SPATA18: variants seen among roughly 807,000 people sequenced by gnomAD.
SPATA18 encodes the protein spermatogenesis associated 18.
Under a neutral mutation model 68.1 loss-of-function variants are expected in SPATA18, and 54 were observed. That is an observed-to-expected ratio of 0.79 (90% CI 0.64 to 0.99). SPATA18 has a LOEUF of 0.99. Ranked by LOEUF, SPATA18 falls within the 50% of genes least tolerant of loss-of-function variation. The probability of loss-of-function intolerance (pLI) is 0.00; values close to 1 mark genes in which losing one functional copy is unlikely to be tolerated. For missense variants in SPATA18, 724 were observed against 681.1 expected (o/e 1.06, Z -0.70); for synonymous variants, 242 against 244.8 (o/e 0.99, Z 0.11).
chr4:52,051,415 T>A lies in SPATA18; in HGVS notation c.-290T>A, dbSNP rs1298678421. On this transcript the variant is annotated 5_prime_UTR_variant, in exon 1 of 13. Coordinates refer to ENST00000295213, the MANE Select transcript of SPATA18 (RefSeq NM_145263.4). ...CAACCCGTCCACGTCAAGGTTTGTT[T>A]AATAATCGCCAGGGTATCTATGGCC... 3.7e-5 allele frequency: 15 copies of A among 408,470 alleles called. No individual in the cohort carries two copies. The highest frequency in any genetic ancestry group is 6.6e-5 in the Non-Finnish European group (15 of 227,204). The allele number at this position is 408,470 out of a possible 1,614,324, so 25.3% of individuals were successfully genotyped here. A position where few individuals can be genotyped will look rare whatever the true frequency, so the allele number is the denominator to read the frequency against.
At chr4:52,088,933 G>T (rs909018661) in intron 11 of SPATA18, among the ~76,000 whole-genome samples, 2 of 152,120 alleles carry the variant, frequency 1.3e-5, no homozygotes, top group Non-Finnish European at 2.9e-5. Flanking sequence ...TGGTTGGTAG[G>T]CTATTAATTA....
chr4:52,052,638 T>C (rs917337699), intron 1 of SPATA18, among the ~76,000 whole-genome samples: 2 of 152,264 alleles, frequency 1.3e-5, no homozygotes, highest in Non-Finnish European at 2.9e-5. Context: ...CATTTGGCTC[T>C]GCATAGAACT....
At chr4:52,069,674 C>T (rs976708943) in intron 4 of SPATA18, 147 bp from the exon 5 acceptor site, 2 of 401,158 alleles carry the variant, frequency 5.0e-6, no homozygotes, top group South Asian at 7.0e-5. Flanking sequence ...TGCAATATTA[C>T]CTGATTGAAT....
intron 4 of SPATA18, among the ~76,000 whole-genome samples, chr4:52,068,441 G>A (rs1739507784): frequency 6.6e-6 from 1 of 152,332 alleles, no homozygotes; most frequent in African/African-American, 2.4e-5. Context: ...ATGCAATGAG[G>A]TAAATGGGAA....
intron 10 of SPATA18, among the ~76,000 whole-genome samples, chr4:52,083,695 G>T (rs1056206747): frequency 6.6e-6 from 1 of 151,698 alleles, no homozygotes; most frequent in Non-Finnish European, 1.5e-5. Context: ...TGTGAGCCAT[G>T]ATTGTGCCAC....
rs777701719 is a variant in SPATA18, at chr4:52,082,465, CTG to C, written c.1438_1439del (p.Val480HisfsTer35). The C allele has an allele frequency of 1.9e-6, 3 of 1,614,152 alleles. No individual in the cohort carries two copies. The Admixed American group carries it at 5.0e-5, about 27-fold the overall frequency. On this transcript the variant is annotated frameshift_variant, in exon 10 of 13. Transcript: ENST00000295213. LOFTEE classifies it high-confidence loss of function. ...HVWPALMEND[C>X]VIMKGEAVTR... ...TGTGGCCTGCTCTCATGGAGAATGA[CTG>C]TGTCATTATGAAGGGAGAAGCTGTC...
intron 4 of SPATA18, among the ~76,000 whole-genome samples, chr4:52,064,050 C>T (rs1739114069): frequency 6.6e-6 from 1 of 152,092 alleles, no homozygotes; most frequent in Non-Finnish European, 1.5e-5. Context: ...TTAATGCATG[C>T]TTTAAAAAAA....
At chr4:52,063,450 T>A (rs538409626) in intron 4 of SPATA18, among the ~76,000 whole-genome samples, 8 of 152,320 alleles carry the variant, frequency 5.3e-5, no homozygotes, top group Admixed American at 1.3e-4. Context: ...TCATAATCAA[T>A]GAGCAGTTAT....
intron 11 of SPATA18, 104 bp from the exon 12 acceptor site, chr4:52,094,423 A>T: frequency 9.7e-7 from 1 of 1,035,256 alleles, no homozygotes; most frequent in Non-Finnish European, 1.5e-6. Context: ...AGTGCCTCAG[A>T]GAAAGCTATT....
At chr4:52,092,463 A>G (rs970926424) in intron 11 of SPATA18, among the ~76,000 whole-genome samples, 3 of 152,158 alleles carry the variant, frequency 2.0e-5, no homozygotes, top group African/African-American at 7.2e-5. Flanking sequence ...GTAGGGGGGA[A>G]CATTCTCTGG....
intron 4 of SPATA18, among the ~76,000 whole-genome samples, chr4:52,064,963 A>G (rs1739196748): frequency 6.6e-6 from 1 of 152,172 alleles, no homozygotes; most frequent in Admixed American, 6.5e-5. Flanking sequence ...AGTTATGACA[A>G]TTCTTGCAGG....
intron 1 of SPATA18, among the ~76,000 whole-genome samples, chr4:52,057,374 A>G (rs1489001191): frequency 6.6e-6 from 1 of 152,132 alleles, no homozygotes; most frequent in Non-Finnish European, 1.5e-5. Flanking sequence ...ATGTGACCCT[A>G]TTGCAACTTG....
In SPATA18 at chr4:52,095,317, C is replaced by T. The variant is rs1378496778; in HGVS notation, c.*430C>T. The T allele has an allele frequency of 5.6e-6, 1 of 179,460 alleles. No individual in the cohort carries two copies. Among genetic ancestry groups the T allele is most frequent in the Non-Finnish European group, 1.2e-5 (1 of 86,076 alleles). The allele number at this position is 179,460 out of a possible 1,614,324, so 11.1% of individuals were successfully genotyped here. On this transcript the variant is annotated 3_prime_UTR_variant, in exon 13 of 13. Coordinates refer to ENST00000295213, the MANE Select transcript of SPATA18 (RefSeq NM_145263.4). ...TCGTAAATATAATTGTTGGTATCAG[C>T]TTTAGCTCAAAACCAATATTAGGTG...
Position 52,084,190 on chromosome 4 carries a change from G to A in SPATA18, c.1480-726G>A, listed in dbSNP as rs562787860. ...CTGTTAAGAAGATCTTATCTGTTGC[G>A]CAGTTTGGAAAGGAGGGAGAAGAAA... On this transcript the variant is annotated intron_variant, in intron 10 of 12. Coordinates refer to ENST00000295213, the MANE Select transcript of SPATA18 (RefSeq NM_145263.4). Among the ~76,000 whole-genome samples the A allele has an allele frequency of 3.9e-5, 6 of 152,084 alleles. No individual in the cohort carries two copies. The East Asian group carries it at 5.8e-4, about 15-fold the overall frequency.
intron 6 of SPATA18, among the ~76,000 whole-genome samples, chr4:52,075,132 A>AG (rs1740220921): frequency 6.6e-6 from 1 of 151,942 alleles, no homozygotes; most frequent in Non-Finnish European, 1.5e-5. Flanking sequence ...CAAGGGAGGG[A>AG]GGGGCACTCA....
At chr4:52,082,832 C>T (rs1741064660) in intron 10 of SPATA18, 1 of 985,024 alleles carries the variant, frequency 1.0e-6, no homozygotes, top group Non-Finnish European at 1.2e-6. Flanking sequence ...AGGAGGATTG[C>T]CATAATCCTA....
At chr4:52,081,692 A>G (rs908365590) in intron 9 of SPATA18, among the ~76,000 whole-genome samples, 1 of 152,176 alleles carries the variant, frequency 6.6e-6, no homozygotes, top group Non-Finnish European at 1.5e-5. Flanking sequence ...CTGTGACTAA[A>G]CCATATATCT....
intron 11 of SPATA18, among the ~76,000 whole-genome samples, chr4:52,090,676 CCTTTGTGGTTAACCCAACCTTTCT>C (rs1741859688): frequency 6.6e-6 from 1 of 152,120 alleles, no homozygotes; most frequent in African/African-American, 2.4e-5. Context: ...GATGAGCTTC[CCTTTGTGGTTAACCCAACCTTTCT>C]CTTTGGCTGC....
chr4:52,092,861 T>C (rs1742101790), intron 11 of SPATA18, among the ~76,000 whole-genome samples: 1 of 152,122 alleles, frequency 6.6e-6, no homozygotes, highest in Non-Finnish European at 1.5e-5. Context: ...TGGATGGAGC[T>C]GAAGGTCATT....
Sources: allele counts gnomAD v4.1 joint callset (sites outside exome capture counted in the v4.1 genomes callset), GRCh38; gene constraint gnomAD v4.1.1; transcripts MANE v1.5; gene names NCBI Gene and HGNC (gene_info 2026-07-23, HGNC 2026-07-21).